Variants in TDRD7 observed in about 807,000 individuals in gnomAD.
TDRD7 encodes tudor domain-containing protein 7.
A neutral mutation model predicts 109.8 loss-of-function variants in TDRD7; 47 were observed. The ratio of observed to expected loss-of-function variants is 0.43; its 90% CI spans 0.34 to 0.55. The LOEUF (loss-of-function observed/expected upper bound fraction) is 0.55, where lower values mean the gene tolerates loss of function less well. Among genes scored for constraint, TDRD7 ranks in the 20% least tolerant of loss-of-function variants. The pLI is 0.03. For synonymous variants in TDRD7, 424 were observed against 457.3 expected (o/e 0.93, Z 0.93); for missense variants, 1,164 against 1,319.2 (o/e 0.88, Z 1.82).
At chr9:97,455,395 C>G (rs1828586697) in intron 6 of TDRD7, among the ~76,000 whole-genome samples, 1 of 152,178 alleles carries the variant, frequency 6.6e-6, no homozygotes, top group South Asian at 2.1e-4. Flanking sequence ...CAGCCAATAT[C>G]CCTGATGAAC....
At chr9:97,458,219 G>A (rs145755743) in intron 6 of TDRD7, among the ~76,000 whole-genome samples, 2,714 of 152,132 alleles carry the variant, frequency 0.018, 38 homozygotes, top group Non-Finnish European at 0.023. Flanking sequence ...CAGATGACAC[G>A]TTTCTGAGAA....
chr9:97,420,364 T>TGGGGGGG (rs34308257), intron 1 of TDRD7, among the ~76,000 whole-genome samples: 31 of 66,800 alleles, frequency 4.6e-4, no homozygotes, highest in African/African-American at 8.2e-4. Flanking sequence ...AACTTTTTTT[T>TGGGGGGG]GGGGGGGGCG....
At chr9:97,484,669 G>A (rs1197647162) in intron 15 of TDRD7, among the ~76,000 whole-genome samples, 1 of 152,136 alleles carries the variant, frequency 6.6e-6, no homozygotes, top group Non-Finnish European at 1.5e-5. Context: ...CATACAATTT[G>A]TATGTCATAA....
At chr9:97,431,258 T>C (rs1828099876) in intron 3 of TDRD7, among the ~76,000 whole-genome samples, 184 bp downstream of exon 3, 1 of 152,258 alleles carries the variant, frequency 6.6e-6, no homozygotes, top group Admixed American at 6.5e-5. Context: ...TGAGCATGAC[T>C]TACTAAGTGA....
intron 6 of TDRD7, among the ~76,000 whole-genome samples, chr9:97,443,576 C>T (rs946291759): frequency 2.0e-5 from 3 of 152,126 alleles, no homozygotes; most frequent in Non-Finnish European, 2.9e-5. Context: ...TTTCCTCACT[C>T]GATGCAGGTT....
At position 97,432,188 on chromosome 9, in the gene TDRD7, A is replaced by G. The variant is rs575066569; in HGVS notation, c.513A>G (p.Ala171=). 2 of 1,613,896 alleles carry G rather than the reference A, an allele frequency of 1.2e-6. No homozygotes were observed. Among genetic ancestry groups the G allele is most frequent in the South Asian group, 2.2e-5 (2 of 91,090 alleles). Residue 171 remains alanine, a synonymous_variant, in exon 4 of 17, where the codon GCA becomes GCG. Coordinates refer to ENST00000355295, the MANE Select transcript of TDRD7 (RefSeq NM_014290.3). ...YMLHTTLGNE[A]FKDIPVQRHV... is the part of the protein sequence containing the mutation. ...TACACACAACTCTTGGAAATGAAGC[A>G]TTCAAAGACATTCCAGTGCAAAGGC...
intron 2 of TDRD7, among the ~76,000 whole-genome samples, 156 bp downstream of exon 2, chr9:97,428,828 G>A (rs2118283293): frequency 6.6e-6 from 1 of 152,334 alleles, no homozygotes; most frequent in South Asian, 2.1e-4. Context: ...GTAAAGCACA[G>A]CCTACATTCT....
In TDRD7 at chr9:97,471,255, G is replaced by C. The variant is rs184480513; in HGVS notation, c.1741+586G>C. ...ATTGGTCATGTCCGTGATAAGGAAA[G>C]GCATTGAAATATGCACCATGCCGGG... On this transcript the variant is annotated intron_variant, in intron 9 of 16. Transcript: ENST00000355295. Among the ~76,000 whole-genome samples, 452 of 152,310 alleles carry C rather than the reference G, an allele frequency of 3.0e-3. 13 individuals are homozygous for C. The highest frequency in any genetic ancestry group is 4.0e-3 in the Non-Finnish European group (271 of 68,026).
intron 11 of TDRD7, 100 bp downstream of exon 11, chr9:97,473,726 C>T (rs551425037): frequency 1.2e-5 from 18 of 1,507,424 alleles, no homozygotes; most frequent in African/African-American, 9.7e-5. Flanking sequence ...TTTGTATGAA[C>T]GATTTTTTAG....
At chr9:97,430,178 A>T (rs772253560) in intron 2 of TDRD7, among the ~76,000 whole-genome samples, 3 of 152,188 alleles carry the variant, frequency 2.0e-5, no homozygotes, top group Non-Finnish European at 4.4e-5. Flanking sequence ...TCTATCTTCA[A>T]ATCTTTTTTC....
chr9:97,459,265 A>G lies in TDRD7; in HGVS notation c.856-913A>G, dbSNP rs1408056761. On this transcript the variant is annotated intron_variant, in intron 6 of 16. Coordinates refer to ENST00000355295, the MANE Select transcript of TDRD7 (RefSeq NM_014290.3). ...GCAGCCAGAGAGAATATGTAAATAAATGAGCATGACTGTGTTCCAATAAAA... is the reference window on the plus strand; with the variant it reads ...GCAGCCAGAGAGAATATGTAAATAAGTGAGCATGACTGTGTTCCAATAAAA... Among the ~76,000 whole-genome samples the G allele has an allele frequency of 2.0e-5, 3 of 152,354 alleles. No homozygotes were observed. The East Asian group carries it at 5.8e-4, about 29-fold the overall frequency.
At chr9:97,467,806 G>T (rs1828844111) in intron 8 of TDRD7, among the ~76,000 whole-genome samples, 1 of 152,194 alleles carries the variant, frequency 6.6e-6, no homozygotes, top group Admixed American at 6.5e-5. Context: ...TACTGGTTAG[G>T]TGGCTGTTGT....
intron 1 of TDRD7, among the ~76,000 whole-genome samples, chr9:97,420,388 G>A (rs940226858): frequency 4.2e-5 from 6 of 142,344 alleles, no homozygotes; most frequent in African/African-American, 1.6e-4. Context: ...GGGGGAGGGT[G>A]TGGTGGTTAA....
At chr9:97,480,562 C>T (rs1380289733) in intron 13 of TDRD7, 1 of 438,654 alleles carries the variant, frequency 2.3e-6, no homozygotes, top group Non-Finnish European at 4.3e-6. Context: ...CAACACCTGT[C>T]ATGCAGAAGT....
chr9:97,482,174 GT>G (rs1322656465), intron 14 of TDRD7, among the ~76,000 whole-genome samples: 1 of 152,168 alleles, frequency 6.6e-6, no homozygotes, highest in East Asian at 1.9e-4. Context: ...AGATGGTTAG[GT>G]AGTCAGAGGT....
intron 4 of TDRD7, among the ~76,000 whole-genome samples, chr9:97,434,967 A>G (rs1828168275): frequency 6.6e-6 from 1 of 152,132 alleles, no homozygotes; most frequent in Non-Finnish European, 1.5e-5. Context: ...AAATTATAAA[A>G]TTATAAAGAT....
intron 4 of TDRD7, among the ~76,000 whole-genome samples, chr9:97,436,677 GTAA>G (rs1189623892): frequency 6.6e-6 from 1 of 152,000 alleles, no homozygotes; most frequent in African/African-American, 2.4e-5. Context: ...GTTTTCTTTT[GTAA>G]TTGTTGTGGC....
intron 16 of TDRD7, among the ~76,000 whole-genome samples, chr9:97,490,464 G>GT (rs1166083436): frequency 6.8e-6 from 1 of 148,068 alleles, no homozygotes; most frequent in African/African-American, 2.5e-5. Context: ...GGATAAGGTG[G>GT]TTTTTTGCTT....
chr9:97,462,532 G>A (rs1230227417), intron 7 of TDRD7, among the ~76,000 whole-genome samples: 1 of 152,184 alleles, frequency 6.6e-6, no homozygotes, highest in Non-Finnish European at 1.5e-5. Flanking sequence ...GCAGGCAGTA[G>A]GCACTGGAAG....
Sources: gnomAD v4.1 joint callset for allele counts (sites outside exome capture counted in the v4.1 genomes callset) on GRCh38, gnomAD v4.1.1 for gene constraint, MANE v1.5 for transcripts, NCBI Gene and HGNC (gene_info 2026-07-23, HGNC 2026-07-21) for gene names.